Variants in CLTC observed in about 807,000 individuals in gnomAD.
CLTC encodes clathrin heavy chain.
CLTC carries 16 observed loss-of-function variants against 195.8 expected under a neutral mutation model. That is an observed-to-expected ratio of 0.08 (90% CI 0.06 to 0.12). The LOEUF (loss-of-function observed/expected upper bound fraction) is 0.12. Among genes scored for constraint, CLTC ranks in the 10% least tolerant of loss-of-function variants. The probability of loss-of-function intolerance (pLI) is 1.00; values close to 1 mark genes in which losing one functional copy is unlikely to be tolerated. For missense variants in CLTC, 796 were observed against 2,027.0 expected (o/e 0.39, Z 11.66); for synonymous variants, 667 against 689.4 (o/e 0.97, Z 0.51).
At chr17:59,688,196 CTTATAGCA>C (rs1331033875) in intron 30 of CLTC, among the ~76,000 whole-genome samples, 1 of 152,162 alleles carries the variant, frequency 6.6e-6, no homozygotes, top group East Asian at 1.9e-4. Flanking sequence ...TTTTGAAACT[CTTATAGCA>C]TTGCTGTGGG....
chr17:59,631,197 C>A (rs1323902739), intron 1 of CLTC, among the ~76,000 whole-genome samples: 2 of 152,176 alleles, frequency 1.3e-5, no homozygotes, highest in African/African-American at 2.4e-5. Context: ...TATCCTGTTT[C>A]AGATTGTTTC....
At position 59,685,922 on chromosome 17, in the gene CLTC, T is replaced by A; in HGVS notation, c.4827+114T>A. The A allele has an allele frequency of 2.5e-6, 2 of 796,678 alleles. No homozygotes were observed. Among genetic ancestry groups the A allele is most frequent in the Non-Finnish European group, 3.9e-6 (2 of 518,178 alleles). The allele number at this position is 796,678 out of a possible 1,614,324, so 49.4% of individuals were successfully genotyped here. A position where few individuals can be genotyped will look rare whatever the true frequency, so the allele number is the denominator to read the frequency against. On this transcript the variant is annotated intron_variant, in intron 30 of 31. Coordinates refer to ENST00000269122, the MANE Select transcript of CLTC (RefSeq NM_004859.4). The surrounding 1 kb of genome is among the most constrained non-coding windows in gnomAD (Gnocchi z 5.0). ...TAGTAGAAGTAAGTCATTTAGTCGATCATAAAATATTCCTGTTCTTTTGAA... is the reference window on the plus strand; with the variant it reads ...TAGTAGAAGTAAGTCATTTAGTCGAACATAAAATATTCCTGTTCTTTTGAA...
intron 1 of CLTC, among the ~76,000 whole-genome samples, chr17:59,621,988 A>T (rs1416571162): frequency 6.6e-6 from 1 of 152,352 alleles, no homozygotes; most frequent in African/African-American, 2.4e-5. Context: ...GTAGCTCACT[A>T]CTAAATCTTG....
intron 1 of CLTC, among the ~76,000 whole-genome samples, chr17:59,631,926 T>C (rs2143458044): frequency 6.8e-6 from 1 of 148,024 alleles, no homozygotes; most frequent in Non-Finnish European, 1.5e-5. Flanking sequence ...GCTGAAGTCA[T>C]GCCACTGCAC....
Position 59,648,517 on chromosome 17 carries a change from C to A in CLTC, c.681+116C>A. The A allele has an allele frequency of 2.0e-6, 2 of 1,005,610 alleles. No individual in the cohort carries two copies. Among genetic ancestry groups the A allele is most frequent in the Non-Finnish European group, 2.9e-6 (2 of 678,730 alleles). The allele number at this position is 1,005,610 out of a possible 1,614,324, so 62.3% of individuals were successfully genotyped here. A position where few individuals can be genotyped will look rare whatever the true frequency, so the allele number is the denominator to read the frequency against. On this transcript the variant is annotated intron_variant, in intron 4 of 31. Transcript: ENST00000269122. The surrounding 1 kb of genome is among the most constrained non-coding windows in gnomAD (Gnocchi z 4.5). ...CCTTCCTAAGTAATTTTAGTATTCA[C>A]ATTTGTGGTGACTTAATTTGTTCAA... is the stretch of plus-strand genomic sequence containing the variant.
Position 59,682,234 on chromosome 17 carries a change from T to G in CLTC, c.3443-37T>G. The G allele has an allele frequency of 6.4e-7, 1 of 1,571,736 alleles. No individual in the cohort carries two copies. Among genetic ancestry groups the G allele is most frequent in the Non-Finnish European group, 8.7e-7 (1 of 1,152,436 alleles). ...TTGGGTGAAAGATAAACTAGGATGTTAGTGTTTGGATATATTTTTTCTTTT... is the reference window on the plus strand; with the variant it reads ...TTGGGTGAAAGATAAACTAGGATGTGAGTGTTTGGATATATTTTTTCTTTT... On this transcript the variant is annotated intron_variant, in intron 21 of 31. Transcript: ENST00000269122. This position sits in a 1 kb window ranked among gnomAD's most constrained non-coding sequence, Gnocchi z 6.8.
In CLTC at chr17:59,681,581, T is replaced by C; in HGVS notation, c.3250-66T>C. ...AGAGCAGCAATAAAATACTAACAGC[T>C]TAAATGTAATTGCTTTGGGTAGGAT... On this transcript the variant is annotated intron_variant, in intron 20 of 31. Transcript: ENST00000269122. The surrounding 1 kb of genome is among the most constrained non-coding windows in gnomAD (Gnocchi z 5.0). 1 of 1,573,826 alleles carries C rather than the reference T, an allele frequency of 6.4e-7. No homozygotes were observed. The highest frequency in any genetic ancestry group is 8.7e-7 in the Non-Finnish European group (1 of 1,152,636).
At chr17:59,631,977 A>AG (rs1442094207) in intron 1 of CLTC, among the ~76,000 whole-genome samples, 1 of 151,880 alleles carries the variant, frequency 6.6e-6, no homozygotes, top group Non-Finnish European at 1.5e-5. Context: ...CTCAAAAAAA[A>AG]AAAAAAAAGA....
intron 1 of CLTC, among the ~76,000 whole-genome samples, chr17:59,624,473 T>TTG (rs1326249710): frequency 7.6e-6 from 1 of 132,294 alleles, no homozygotes; most frequent in Non-Finnish European, 1.7e-5. Flanking sequence ...TTTTTTTTTT[T>TTG]TTTTTTGAGA....
At chr17:59,642,425 C>T (rs963743599) in intron 1 of CLTC, among the ~76,000 whole-genome samples, 21 of 152,128 alleles carry the variant, frequency 1.4e-4, no homozygotes, top group Non-Finnish European at 2.9e-4. Context: ...TACAGGGTAG[C>T]TTAGGATTCT....
At chr17:59,671,505 T>G (rs1215319179) in intron 14 of CLTC, among the ~76,000 whole-genome samples, 1 of 152,164 alleles carries the variant, frequency 6.6e-6, no homozygotes, top group South Asian at 2.1e-4. Flanking sequence ...AATAAAGAGA[T>G]TGGTAGAACA....
chr17:59,661,709 A>G, intron 8 of CLTC, 66 bp downstream of exon 8: 1 of 1,399,110 alleles, frequency 7.1e-7, no homozygotes, highest in African/African-American at 1.4e-5. Flanking sequence ...GCAAGTTAAA[A>G]TCATTTAGGC....
At chr17:59,625,521 A>G (rs1412196335) in intron 1 of CLTC, among the ~76,000 whole-genome samples, 3 of 152,164 alleles carry the variant, frequency 2.0e-5, no homozygotes, top group Admixed American at 6.6e-5. Flanking sequence ...ACAGTTAGAA[A>G]GGCAGATTTG....
intron 1 of CLTC, among the ~76,000 whole-genome samples, chr17:59,636,932 C>CTTTTTTT (rs771908096): frequency 6.8e-5 from 7 of 103,666 alleles, no homozygotes; most frequent in East Asian, 3.0e-4. Flanking sequence ...CCGGCTAATT[C>CTTTTTTT]TTTTTTTTTT....
intron 5 of CLTC, among the ~76,000 whole-genome samples, chr17:59,651,607 C>T (rs1298151261): frequency 6.6e-6 from 1 of 152,192 alleles, no homozygotes; most frequent in African/African-American, 2.4e-5. Flanking sequence ...TAACACTATG[C>T]TGTAGTCTAC....
chr17:59,673,562 G>A, intron 14 of CLTC, 85 bp from the exon 15 acceptor site: 1 of 1,007,094 alleles, frequency 9.9e-7, no homozygotes. Flanking sequence ...TCTCTTGTTA[G>A]CGTAGAACAA....
chr17:59,640,814 T>G (rs1427475428), intron 1 of CLTC, among the ~76,000 whole-genome samples: 1 of 152,046 alleles, frequency 6.6e-6, no homozygotes, highest in South Asian at 2.1e-4. Flanking sequence ...TGTTTAAACA[T>G]GTGCCATTAT....
intron 13 of CLTC, among the ~76,000 whole-genome samples, chr17:59,667,989 A>G (rs1455237871): frequency 1.3e-5 from 2 of 152,238 alleles, no homozygotes; most frequent in African/African-American, 4.8e-5. Context: ...ACTGTTTAGT[A>G]CAGTCACTAG....
At chr17:59,628,822 C>A (rs959615138) in intron 1 of CLTC, among the ~76,000 whole-genome samples, 4 of 152,048 alleles carry the variant, frequency 2.6e-5, no homozygotes, top group East Asian at 3.9e-4. Context: ...CCAGGCCTGG[C>A]GAATTTTTTT....
Sources: allele counts gnomAD v4.1 joint callset (sites outside exome capture counted in the v4.1 genomes callset), GRCh38; gene constraint gnomAD v4.1.1; non-coding constraint Gnocchi (gnomAD v3.1); transcripts MANE v1.5; gene names NCBI Gene and HGNC (gene_info 2026-07-23, HGNC 2026-07-21).